The following DPYD variants were observed in gnomAD, a reference collection of about 807,000 sequenced individuals.
The protein encoded by DPYD is dihydropyrimidine dehydrogenase.
A neutral mutation model predicts 116.2 loss-of-function variants in DPYD; 109 were observed. That is an observed-to-expected ratio of 0.94 (90% CI 0.80 to 1.10). DPYD has a LOEUF of 1.10. Ranked by LOEUF, DPYD falls within the 50% of genes least tolerant of loss-of-function variation. The pLI, the probability that DPYD is intolerant of heterozygous loss-of-function variation, is 0.00. For missense variants in DPYD, 1,302 were observed against 1,254.5 expected (o/e 1.04, Z -0.57); for synonymous variants, 440 against 432.0 (o/e 1.02, Z -0.23).
intron 8 of DPYD, among the ~76,000 whole-genome samples, chr1:97,605,464 T>G (rs1655528422): frequency 6.6e-6 from 1 of 152,152 alleles, no homozygotes; most frequent in East Asian, 1.9e-4. Flanking sequence ...CACTCCGTCC[T>G]GCTACCCTGT....
chr1:97,372,501 T>G (rs1481781488), intron 16 of DPYD, among the ~76,000 whole-genome samples: 2 of 152,110 alleles, frequency 1.3e-5, no homozygotes, highest in Non-Finnish European at 1.5e-5. Context: ...CTGTTGTGAG[T>G]GGAACAGAGA....
intron 18 of DPYD, among the ~76,000 whole-genome samples, chr1:97,300,377 T>C (rs79651333): frequency 6.6e-6 from 1 of 152,288 alleles, no homozygotes; most frequent in Non-Finnish European, 1.5e-5. Context: ...AGCTTAAATT[T>C]GATGACAGAT....
chr1:97,426,147 CAG>C (rs1433983566), intron 14 of DPYD, among the ~76,000 whole-genome samples: 1 of 151,598 alleles, frequency 6.6e-6, no homozygotes, highest in Non-Finnish European at 1.5e-5. Context: ...AGAATTAGAG[CAG>C]AAAGGAGGTA....
intron 13 of DPYD, among the ~76,000 whole-genome samples, chr1:97,455,520 C>T (rs1322749336): frequency 6.6e-6 from 1 of 151,808 alleles, no homozygotes; most frequent in Non-Finnish European, 1.5e-5. Context: ...TACAACATAA[C>T]CATACATTAT....
At chr1:97,729,881 T>C (rs1663490224) in intron 4 of DPYD, among the ~76,000 whole-genome samples, 1 of 152,184 alleles carries the variant, frequency 6.6e-6, no homozygotes, top group African/African-American at 2.4e-5. Context: ...GCACTAGATA[T>C]GAATGAAGAA....
chr1:97,380,884 T>C (rs1160810502), intron 15 of DPYD, among the ~76,000 whole-genome samples: 1 of 152,224 alleles, frequency 6.6e-6, no homozygotes, highest in African/African-American at 2.4e-5. Flanking sequence ...AAAACGTTAT[T>C]GGGTGCCTAC....
chr1:97,486,489 G>A (rs1419467140), intron 13 of DPYD, among the ~76,000 whole-genome samples: 2 of 152,054 alleles, frequency 1.3e-5, no homozygotes, highest in Admixed American at 6.6e-5. Flanking sequence ...GGAGATTATG[G>A]GTAGAGAGTA....
At chr1:97,632,638 C>T (rs1034475825) in intron 8 of DPYD, among the ~76,000 whole-genome samples, 2 of 152,038 alleles carry the variant, frequency 1.3e-5, no homozygotes, top group Non-Finnish European at 1.5e-5. Context: ...CAAATAATGA[C>T]CCCAATCTTA....
chr1:97,169,859 G>A (rs1377698999), intron 20 of DPYD, among the ~76,000 whole-genome samples: 2 of 152,130 alleles, frequency 1.3e-5, no homozygotes, highest in Admixed American at 6.6e-5. Flanking sequence ...GAATCACTCA[G>A]AAACATCCTT....
intron 1 of DPYD, among the ~76,000 whole-genome samples, chr1:97,920,629 T>C (rs1431807268): frequency 6.6e-6 from 1 of 152,154 alleles, no homozygotes; most frequent in Non-Finnish European, 1.5e-5. Flanking sequence ...TCCTGAAATC[T>C]CTTCCGAAGT....
rs147836173 is a variant in DPYD at position 97,754,304 on chromosome 1, C to A, written c.234-13825G>T. On this transcript the variant is annotated intron_variant, in intron 3 of 22. Coordinates refer to ENST00000370192, the MANE Select transcript of DPYD (RefSeq NM_000110.4). ...AGGACACAATATTCAGAAATAATAT[C>A]TTAAATAACATCAATAAAATTAGCT... 3.9e-3 allele frequency among the ~76,000 whole-genome samples: 593 copies of A among 152,112 alleles called. 4 individuals are homozygous for A. Among genetic ancestry groups the A allele is most frequent in the African/African-American group, 0.014 (573 of 41,492 alleles).
chr1:97,734,140 C>T (rs2101054857), intron 4 of DPYD, among the ~76,000 whole-genome samples: 1 of 151,744 alleles, frequency 6.6e-6, no homozygotes. Flanking sequence ...ATGTCCTCTC[C>T]CATATTTTAT....
chr1:97,546,156 G>C, intron 12 of DPYD: 1 of 1,429,982 alleles, frequency 7.0e-7, no homozygotes. Context: ...CTGTGCTGCA[G>C]AGGAACAGCC....
chr1:97,208,496 G>A (rs768113068), intron 19 of DPYD, among the ~76,000 whole-genome samples: 4 of 151,634 alleles, frequency 2.6e-5, no homozygotes, highest in African/African-American at 4.8e-5. Flanking sequence ...ATGTTGCCCA[G>A]GCTGATCTTG....
intron 1 of DPYD, among the ~76,000 whole-genome samples, chr1:97,893,595 G>C (rs1372341912): frequency 6.6e-6 from 1 of 150,944 alleles, no homozygotes; most frequent in Non-Finnish European, 1.5e-5. Context: ...TGATGAATTT[G>C]TAAAACATCA....
chr1:97,543,728 T>C (rs1225697276), intron 12 of DPYD, among the ~76,000 whole-genome samples: 2 of 152,202 alleles, frequency 1.3e-5, no homozygotes, highest in Non-Finnish European at 2.9e-5. Context: ...TCTTAACTCC[T>C]CCTTAAATGT....
chr1:97,583,038 C>T (rs1412467770), intron 10 of DPYD, among the ~76,000 whole-genome samples: 1 of 151,964 alleles, frequency 6.6e-6, no homozygotes, highest in African/African-American at 2.4e-5. Flanking sequence ...GTGTGATCTC[C>T]ACTCATTGCG....
chr1:97,186,726 G>A (rs1399610748), intron 20 of DPYD, among the ~76,000 whole-genome samples: 1 of 152,148 alleles, frequency 6.6e-6, no homozygotes, highest in East Asian at 1.9e-4. Context: ...GCAGACGCCT[G>A]TAATCCCAGC....
chr1:97,515,736 G>C lies in DPYD; in HGVS notation c.1730C>G (p.Ser577Cys). The stretch of plus-strand genomic sequence containing the variant: ...ATAATATTTTCTTACCTTATCAAGA[G>C]AGAAAGTTTTGGTGAGGGCAAAACC... ...GWGFALTKTF[S>C]LDKDIVTNVS... Residue 577 changes from serine to cysteine, a missense_variant, in exon 13 of 23, where the codon TCT becomes TGT. Coordinates refer to ENST00000370192, the MANE Select transcript of DPYD (RefSeq NM_000110.4). The C allele has an allele frequency of 6.2e-7, 1 of 1,612,470 alleles. No homozygotes were observed. Among genetic ancestry groups the C allele is most frequent in the Non-Finnish European group, 8.5e-7 (1 of 1,178,978 alleles).
Sources: allele counts gnomAD v4.1 joint callset (sites outside exome capture counted in the v4.1 genomes callset), GRCh38; gene constraint gnomAD v4.1.1; transcripts MANE v1.5; gene names NCBI Gene and HGNC (gene_info 2026-07-23, HGNC 2026-07-21).